Variants in LIPI observed in about 807,000 individuals in gnomAD.
LIPI encodes the protein lipase I.
In LIPI, 59 loss-of-function variants were observed where a neutral mutation model predicts 50.6. That is an observed-to-expected ratio of 1.16 (90% CI 0.94 to 1.45). The LOEUF is 1.45. LIPI is among the 40% of genes most tolerant of loss of function. The pLI is 0.00. For missense variants in LIPI, 586 were observed against 536.3 expected, an observed-to-expected ratio of 1.09 and a Z score of -0.92; for synonymous variants, 203 against 178.2, an observed-to-expected ratio of 1.14 and a Z score of -1.11.
At chr21:14,184,322 G>A (rs1453083661) in intron 3 of LIPI, among the ~76,000 whole-genome samples, 1 of 151,962 alleles carries the variant, frequency 6.6e-6, no homozygotes, top group East Asian at 1.9e-4. Flanking sequence ...ACTGGGGACT[G>A]TTGTGGGGTG....
chr21:14,161,690 T>C (rs1370504206), intron 7 of LIPI, among the ~76,000 whole-genome samples: 1 of 104,070 alleles, frequency 9.6e-6, no homozygotes, highest in African/African-American at 4.0e-5. Context: ...TATATATTAA[T>C]GTATAATATA....
intron 7 of LIPI, among the ~76,000 whole-genome samples, chr21:14,153,738 G>C (rs1459562216): frequency 6.6e-6 from 1 of 152,082 alleles, no homozygotes; most frequent in East Asian, 1.9e-4. Flanking sequence ...TGATGCTAAA[G>C]GACAAAGCTG....
chr21:14,203,817 T>C (rs1384301480), intron 1 of LIPI, among the ~76,000 whole-genome samples: 1 of 150,996 alleles, frequency 6.6e-6, no homozygotes, highest in African/African-American at 2.4e-5. Context: ...AACCTGCACG[T>C]TGTGCACATG....
At chr21:14,126,120 A>T (rs1425975962) in intron 9 of LIPI, among the ~76,000 whole-genome samples, 1 of 152,210 alleles carries the variant, frequency 6.6e-6, no homozygotes, top group African/African-American at 2.4e-5. Context: ...CTGTACAGTC[A>T]CTTTGGAAAA....
chr21:14,152,474 TA>T, intron 8 of LIPI, 98 bp downstream of exon 8: 1 of 657,128 alleles, frequency 1.5e-6, no homozygotes, highest in Non-Finnish European at 2.7e-6. Flanking sequence ...CTCTCTAGAT[TA>T]AAAAATAAAC....
At chr21:14,209,073 C>T (rs1012690715) in intron 1 of LIPI, among the ~76,000 whole-genome samples, 1 of 152,048 alleles carries the variant, frequency 6.6e-6, no homozygotes, top group African/African-American at 2.4e-5. Flanking sequence ...ATTTCTGACC[C>T]TTGCAATATA....
At chr21:14,184,122 C>T (rs1165871518) in intron 3 of LIPI, among the ~76,000 whole-genome samples, 2 of 152,074 alleles carry the variant, frequency 1.3e-5, no homozygotes, top group Non-Finnish European at 2.9e-5. Flanking sequence ...GTGGCACATA[C>T]ACAGCATGGA....
intron 9 of LIPI, among the ~76,000 whole-genome samples, chr21:14,118,569 G>C (rs1600828300): frequency 6.6e-6 from 1 of 152,284 alleles, no homozygotes; most frequent in Admixed American, 6.5e-5. Context: ...CTAAGGCAAA[G>C]AAAGGTTATG....
In LIPI at chr21:14,144,870, A is replaced by G. The variant is rs1229888089; in HGVS notation, c.1119-71T>C. On this transcript the variant is annotated intron_variant, in intron 8 of 9. Coordinates refer to ENST00000681601, the MANE Select transcript of LIPI (RefSeq NM_001302998.2). Reference sequence around the variant, plus strand: ...ATAACTCAATTCTAAAATCAATATAATCCTAATAAGGGAGGCCACAGAGAA... The same window carrying G: ...ATAACTCAATTCTAAAATCAATATAGTCCTAATAAGGGAGGCCACAGAGAA... The G allele has an allele frequency of 2.5e-5, 28 of 1,111,066 alleles. No homozygotes were observed. The East Asian group carries it at 4.1e-4, about 16-fold the overall frequency. 68.8% of individuals were successfully genotyped at this position (1,111,066 alleles called of 1,614,324 possible).
intron 9 of LIPI, among the ~76,000 whole-genome samples, chr21:14,117,825 T>C (rs1206364108): frequency 6.6e-6 from 1 of 151,970 alleles, no homozygotes; most frequent in African/African-American, 2.4e-5. Flanking sequence ...CCAAAGTGTT[T>C]GTAAATTGAG....
chr21:14,128,672 T>C (rs1357316344), intron 9 of LIPI, among the ~76,000 whole-genome samples: 1 of 144,406 alleles, frequency 6.9e-6, no homozygotes, highest in East Asian at 2.0e-4. Context: ...ACACGATATA[T>C]CTTAAGTGTG....
intron 1 of LIPI, among the ~76,000 whole-genome samples, chr21:14,200,060 T>G (rs2019998386): frequency 6.6e-6 from 1 of 152,076 alleles, no homozygotes; most frequent in Non-Finnish European, 1.5e-5. Context: ...CATCGCTTCA[T>G]GCTAAAAACT....
chr21:14,205,862 G>A (rs2020212426), intron 1 of LIPI, among the ~76,000 whole-genome samples: 1 of 151,984 alleles, frequency 6.6e-6, no homozygotes, highest in African/African-American at 2.4e-5. Context: ...TTAACAAATT[G>A]AGGATCTGAG....
In LIPI at chr21:14,189,435, G is replaced by A; in HGVS notation, c.47-16C>T. 1 of 1,608,770 alleles carries A rather than the reference G, an allele frequency of 6.2e-7. No individual in the cohort carries two copies. The highest frequency in any genetic ancestry group is 8.5e-7 in the Non-Finnish European group (1 of 1,175,680). ...CTTTTATTATCTGAAATAAGAAAAT[G>A]TCAGTCAAGCTGAGTACTGGGATAG... On this transcript the variant is annotated splice_polypyrimidine_tract_variant and intron_variant, in intron 1 of 9. Coordinates refer to ENST00000681601, the MANE Select transcript of LIPI (RefSeq NM_001302998.2).
At chr21:14,203,573 C>G (rs915762260) in intron 1 of LIPI, among the ~76,000 whole-genome samples, 4 of 151,928 alleles carry the variant, frequency 2.6e-5, no homozygotes, top group Non-Finnish European at 5.9e-5. Flanking sequence ...TCACAGCAAA[C>G]TATCACAAGG....
At chr21:14,116,509 GTA>G (rs1470892893) in intron 9 of LIPI, among the ~76,000 whole-genome samples, 1 of 152,200 alleles carries the variant, frequency 6.6e-6, no homozygotes, top group Non-Finnish European at 1.5e-5. Context: ...CCATTAGAAT[GTA>G]TGTTGAAGAA....
intron 1 of LIPI, among the ~76,000 whole-genome samples, chr21:14,196,215 T>C (rs933473787): frequency 6.7e-6 from 1 of 149,448 alleles, no homozygotes; most frequent in African/African-American, 2.5e-5. Flanking sequence ...GTCTGTGTAA[T>C]TTAATACTAC....
intron 1 of LIPI, among the ~76,000 whole-genome samples, chr21:14,193,377 T>C (rs2019741402): frequency 6.6e-6 from 1 of 151,968 alleles, no homozygotes; most frequent in Admixed American, 6.6e-5. Context: ...AACAAAGTGG[T>C]AAAAATAAGT....
chr21:14,126,713 T>G (rs939062807), intron 9 of LIPI, among the ~76,000 whole-genome samples: 4 of 152,182 alleles, frequency 2.6e-5, no homozygotes, highest in African/African-American at 7.2e-5. Flanking sequence ...TACATACTTT[T>G]ATATCAGTAC....
Sources: gnomAD v4.1 joint callset for allele counts (sites outside exome capture counted in the v4.1 genomes callset) on GRCh38, gnomAD v4.1.1 for gene constraint, MANE v1.5 for transcripts, NCBI Gene and HGNC (gene_info 2026-07-23, HGNC 2026-07-21) for gene names.